PCDHGA9: variants seen among roughly 807,000 people sequenced by gnomAD.
PCDHGA9 encodes protocadherin gamma subfamily A, 9, also known as protocadherin gamma-A9.
Under a neutral mutation model 62.5 loss-of-function variants are expected in PCDHGA9, and 37 were observed. The ratio of observed to expected loss-of-function variants is 0.59; its 90% confidence interval spans 0.46 to 0.78. The LOEUF (loss-of-function observed/expected upper bound fraction) is 0.78, where lower values mean the gene tolerates loss of function less well. PCDHGA9 is among the 30% of genes least tolerant of loss of function. PCDHGA9 has a pLI of 0.00. For missense variants in PCDHGA9, 1,138 were observed against 1,166.2 expected (o/e 0.98, Z 0.35); for synonymous variants, 459 against 484.6 (o/e 0.95, Z 0.69).
At chr5:141,482,936 G>T (rs2099574800) in intron 1 of PCDHGA9, among the ~76,000 whole-genome samples, 1 of 152,050 alleles carries the variant, frequency 6.6e-6, no homozygotes, top group Admixed American at 6.5e-5. Context: ...AGCCAGGTGT[G>T]GTTGTGGGTG....
chr5:141,491,845 G>A lies in PCDHGA9; in HGVS notation c.2425-2962G>A. 6.8e-7 allele frequency: 1 copy of A among 1,463,944 alleles called. No homozygotes were observed. The highest frequency in any genetic ancestry group is 9.0e-7 in the Non-Finnish European group (1 of 1,106,126). 90.7% of individuals were successfully genotyped at this position (1,463,944 alleles called of 1,614,324 possible). ...CTCCACCCGATTCTCGGGATCATTGGACCGTTTGCGCGAAACCAGAGTGGC... is the reference window on the plus strand; with the variant it reads ...CTCCACCCGATTCTCGGGATCATTGAACCGTTTGCGCGAAACCAGAGTGGC... On this transcript the variant is annotated intron_variant, in intron 1 of 3. Coordinates refer to ENST00000573521, the MANE Select transcript of PCDHGA9 (RefSeq NM_018921.3). This position sits in a 1 kb window ranked among gnomAD's most constrained non-coding sequence, Gnocchi z 6.9.
At chr5:141,415,614 G>A (rs1476229913) in intron 1 of PCDHGA9, 1 of 1,612,128 alleles carries the variant, frequency 6.2e-7, no homozygotes, top group Admixed American at 1.7e-5. Flanking sequence ...TGGTTCCAGT[G>A]AGTTTTATTT....
Position 141,415,225 on chromosome 5 carries a change from T to C in PCDHGA9, c.2424+9849T>C, listed in dbSNP as rs189700811. On this transcript the variant is annotated intron_variant, in intron 1 of 3. Transcript: ENST00000573521. ...CCTGGCGGACCTCGGCAGCTTCGAG[T>C]CTCCAGCTAACTCTGAAACCTCAGA... 12,267 of 1,614,024 alleles carry C rather than the reference T, an allele frequency of 7.6e-3. 74 individuals carry two copies. Among genetic ancestry groups the C allele is most frequent in the Non-Finnish European group, 9.2e-3 (10,854 of 1,180,002 alleles).
Position 141,483,626 on chromosome 5 carries a change from G to A in PCDHGA9, c.2425-11181G>A, listed in dbSNP as rs112905417. On this transcript the variant is annotated intron_variant, in intron 1 of 3. Coordinates refer to ENST00000573521, the MANE Select transcript of PCDHGA9 (RefSeq NM_018921.3). ...TTACACCTCCATCATTCCCATGGGA[G>A]AAGGTATAGAGGGGTGTGTGTTTGT... Among the ~76,000 whole-genome samples the A allele has an allele frequency of 6.0e-4, 90 of 150,886 alleles. 1 individual carries two copies. The highest frequency in any genetic ancestry group is 1.7e-3 in the African/African-American group (69 of 40,378).
intron 1 of PCDHGA9, among the ~76,000 whole-genome samples, chr5:141,468,131 C>A (rs1006565854): frequency 1.3e-5 from 2 of 151,650 alleles, no homozygotes; most frequent in South Asian, 4.2e-4. Context: ...TTGAGACCAG[C>A]CTGGCCAACA....
intron 1 of PCDHGA9, among the ~76,000 whole-genome samples, chr5:141,443,609 T>C (rs2098396115): frequency 1.3e-5 from 2 of 152,260 alleles, no homozygotes; most frequent in African/African-American, 4.8e-5. Flanking sequence ...GAAATGTTCT[T>C]ATAATCAGGT....
At chr5:141,423,882 C>T in intron 1 of PCDHGA9, 3 of 1,282,372 alleles carry the variant, frequency 2.3e-6, no homozygotes, top group Non-Finnish European at 3.0e-6. Context: ...TCAATCTTGG[C>T]ATATTTTCTT....
intron 1 of PCDHGA9, chr5:141,415,463 T>G: frequency 6.2e-7 from 1 of 1,614,228 alleles, no homozygotes; most frequent in South Asian, 1.1e-5. Flanking sequence ...GAGGTCTCTC[T>G]CACCGCGGAC....
In PCDHGA9 at chr5:141,413,958, G is replaced by A. The variant is rs774080265; in HGVS notation, c.2424+8582G>A. On this transcript the variant is annotated intron_variant, in intron 1 of 3. Coordinates refer to ENST00000573521, the MANE Select transcript of PCDHGA9 (RefSeq NM_018921.3). ...TGAGTGTTCCTGAGAATTTGCCTGT[G>A]GGCACTCAGCTGCTGACAGTCACAG... The A allele has an allele frequency of 5.0e-6, 8 of 1,613,276 alleles. No individual in the cohort carries two copies. In the South Asian group the frequency reaches 6.6e-5, roughly 13 times the overall value.
chr5:141,430,885 C>G, intron 1 of PCDHGA9: 1 of 1,605,218 alleles, frequency 6.2e-7, no homozygotes, highest in Non-Finnish European at 8.5e-7. Context: ...TGGAGAAAGG[C>G]TCTAGGGTGG....
chr5:141,477,315 C>G lies in PCDHGA9; in HGVS notation c.2425-17492C>G. 2 of 1,614,188 alleles carry G rather than the reference C, an allele frequency of 1.2e-6. No individual in the cohort carries two copies. Among genetic ancestry groups the G allele is most frequent in the African/African-American group, 2.7e-5 (2 of 75,042 alleles). On this transcript the variant is annotated intron_variant, in intron 1 of 3. Coordinates refer to ENST00000573521, the MANE Select transcript of PCDHGA9 (RefSeq NM_018921.3). The surrounding 1 kb of genome is among the most constrained non-coding windows in gnomAD (Gnocchi z 4.9). ...CCACCGGGTCTCCCTTTCAGCCTTA[C>G]TTCTTCCCTCAAGAATTACTTCACT...
chr5:141,481,183 G>A (rs2099533234), intron 1 of PCDHGA9, among the ~76,000 whole-genome samples: 1 of 152,146 alleles, frequency 6.6e-6, no homozygotes, highest in African/African-American at 2.4e-5. Flanking sequence ...GCTTTATTGG[G>A]CCAGGCCCAA....
rs2099624499 is a variant in PCDHGA9, at chr5:141,486,100, C to A, written c.2425-8707C>A. The A allele has an allele frequency of 6.2e-7, 1 of 1,614,072 alleles. No homozygotes were observed. The highest frequency in any genetic ancestry group is 1.3e-5 in the African/African-American group (1 of 74,930). ...AGCTTACTCTTTTGGGGCCCCTAGA[C>A]TTTGAGAGTGAGAATTACTATGAAT... On this transcript the variant is annotated intron_variant, in intron 1 of 3. Coordinates refer to ENST00000573521, the MANE Select transcript of PCDHGA9 (RefSeq NM_018921.3). This position sits in a 1 kb window ranked among gnomAD's most constrained non-coding sequence, Gnocchi z 5.0.
intron 1 of PCDHGA9, among the ~76,000 whole-genome samples, chr5:141,456,882 G>A (rs1039329600): frequency 6.6e-6 from 1 of 152,156 alleles, no homozygotes; most frequent in Non-Finnish European, 1.5e-5. Context: ...AGAATCGCTT[G>A]AACCCGGGAG....
In PCDHGA9 at chr5:141,476,477, G is replaced by T. The variant is rs768824553; in HGVS notation, c.2425-18330G>T. The T allele has an allele frequency of 1.9e-6, 3 of 1,614,078 alleles. No homozygotes were observed. The highest frequency in any genetic ancestry group is 1.7e-5 in the Admixed American group (1 of 60,016). Reference sequence around the variant, plus strand: ...GGAGAACCCGCTGGAGCTGTTCAGCGTGGAAGTGGTGATCCAGGACATCAA... The same window carrying T: ...GGAGAACCCGCTGGAGCTGTTCAGCTTGGAAGTGGTGATCCAGGACATCAA... On this transcript the variant is annotated intron_variant, in intron 1 of 3. Coordinates refer to ENST00000573521, the MANE Select transcript of PCDHGA9 (RefSeq NM_018921.3). This position sits in a 1 kb window ranked among gnomAD's most constrained non-coding sequence, Gnocchi z 7.6.
intron 1 of PCDHGA9, among the ~76,000 whole-genome samples, chr5:141,454,626 G>A (rs1206050863): frequency 6.6e-6 from 1 of 151,304 alleles, no homozygotes; most frequent in African/African-American, 2.4e-5. Flanking sequence ...GGCTGGTCTC[G>A]AACCCCCAAC....
intron 2 of PCDHGA9, among the ~76,000 whole-genome samples, chr5:141,504,793 C>A (rs1256626821): frequency 9.9e-5 from 15 of 152,166 alleles, no homozygotes; most frequent in Admixed American, 3.9e-4. Context: ...GGGCCTCCTA[C>A]ATCTCCCCCT....
intron 1 of PCDHGA9, among the ~76,000 whole-genome samples, chr5:141,467,361 G>A (rs555435172): frequency 1.3e-5 from 2 of 151,860 alleles, no homozygotes; most frequent in South Asian, 4.2e-4. Context: ...CCAAATCAAC[G>A]TTTTCTTATA....
chr5:141,433,837 C>CAAAAAAAAAAAAAAA (rs56191208), intron 1 of PCDHGA9, among the ~76,000 whole-genome samples: 1 of 111,692 alleles, frequency 9.0e-6, no homozygotes. Flanking sequence ...AACTCTATCT[C>CAAAAAAAAAAAAAAA]AAAAAAAAAA....
Sources: allele counts gnomAD v4.1 joint callset (sites outside exome capture counted in the v4.1 genomes callset), GRCh38; gene constraint gnomAD v4.1.1; non-coding constraint Gnocchi (gnomAD v3.1); transcripts MANE v1.5; gene names NCBI Gene and HGNC (gene_info 2026-07-23, HGNC 2026-07-21).